CEP63: variants seen among roughly 807,000 people sequenced by gnomAD.
CEP63 encodes the protein centrosomal protein 63.
A neutral mutation model predicts 89.1 loss-of-function variants in CEP63; 84 were observed. The ratio of observed to expected loss-of-function variants is 0.94; its 90% confidence interval spans 0.79 to 1.13. The LOEUF is 1.13. Ranked by LOEUF, CEP63 falls within the 50% of genes most tolerant of loss-of-function variation. The pLI, the probability that CEP63 is intolerant of heterozygous loss-of-function variation, is 0.00. For missense variants in CEP63, 838 were observed against 813.3 expected (o/e 1.03, Z -0.37); for synonymous variants, 267 against 272.5 (o/e 0.98, Z 0.20).
At chr3:134,732,146 T>G in the CEP63 span, among the ~76,000 whole-genome samples, 1 of 152,184 alleles carries the variant, frequency 6.6e-6, no homozygotes, top group African/African-American at 2.4e-5. Flanking sequence ...TCGATTCCTC[T>G]CATCATCTGT....
chr3:134,760,152 G>A, the CEP63 span, among the ~76,000 whole-genome samples: 3 of 148,094 alleles, frequency 2.0e-5, no homozygotes, highest in East Asian at 2.0e-4. Context: ...TCCGCCTCCC[G>A]GGTTCACGCC....
At chr3:134,527,253 G>A (rs1262275332) in intron 3 of CEP63, among the ~76,000 whole-genome samples, 1 of 152,196 alleles carries the variant, frequency 6.6e-6, no homozygotes, top group Non-Finnish European at 1.5e-5. Context: ...ACTGTGCACA[G>A]TGGCACTGGT....
At chr3:134,692,102 T>TA in the CEP63 span, among the ~76,000 whole-genome samples, 41,893 of 152,068 alleles carry the variant, frequency 0.28, 5,857 homozygotes, top group Middle Eastern at 0.3. Flanking sequence ...ATTTTTTTTT[T>TA]AATTAATTAA....
At chr3:134,547,610 A>ATTTATTTTTTTTTTTTTTTTTTTTTT (rs1553777504) in intron 9 of CEP63, 138 bp downstream of exon 9, 3 of 227,486 alleles carry the variant, frequency 1.3e-5, no homozygotes, top group East Asian at 1.1e-4. Context: ...CTAAGTTCTT[A>ATTTATTTTTTTTTTTTTTTTTTTTTT]TTTCTTTTTT....
chr3:134,635,613 C>T, the CEP63 span, among the ~76,000 whole-genome samples: 9 of 151,802 alleles, frequency 5.9e-5, no homozygotes, highest in Admixed American at 2.0e-4. Context: ...CTGTATATTC[C>T]GATGGTGGTG....
intron 10 of CEP63, among the ~76,000 whole-genome samples, chr3:134,583,723 A>G (rs938435314): frequency 2.6e-5 from 4 of 152,118 alleles, no homozygotes; most frequent in African/African-American, 9.7e-5. Context: ...GAAGAAAGTC[A>G]TTGGTAGCTT....
the CEP63 span, among the ~76,000 whole-genome samples, chr3:134,672,608 CT>C: frequency 6.6e-6 from 1 of 152,204 alleles, no homozygotes. Flanking sequence ...GCACCTCTTT[CT>C]TGAACACTCT....
At chr3:134,525,463 C>T (rs866345661) in intron 3 of CEP63, among the ~76,000 whole-genome samples, 1 of 152,130 alleles carries the variant, frequency 6.6e-6, no homozygotes, top group African/African-American at 2.4e-5. Context: ...ACCAATGGGT[C>T]TTGATTCTTT....
chr3:134,600,399 C>T, the CEP63 span, among the ~76,000 whole-genome samples: 1 of 152,146 alleles, frequency 6.6e-6, no homozygotes, highest in African/African-American at 2.4e-5. Flanking sequence ...ATCCTTCATG[C>T]TTCAGTTAGT....
At chr3:134,603,430 C>T in the CEP63 span, 4 of 687,088 alleles carry the variant, frequency 5.8e-6, no homozygotes, top group Non-Finnish European at 9.6e-6. Context: ...GATCACAGCT[C>T]CTGTGGCAGA....
At chr3:134,663,364 G>C in the CEP63 span, among the ~76,000 whole-genome samples, 1 of 152,200 alleles carries the variant, frequency 6.6e-6, no homozygotes, top group Non-Finnish European at 1.5e-5. Context: ...AACATCCCAG[G>C]GTGAAGGGCT....
chr3:134,558,099 A>T (rs753826365), intron 12 of CEP63, 43 bp from the exon 13 acceptor site: 1 of 1,492,626 alleles, frequency 6.7e-7, no homozygotes, highest in Non-Finnish European at 9.3e-7. Context: ...GATCACAGGT[A>T]TTCTTGTACA....
At chr3:134,724,577 C>A in the CEP63 span, among the ~76,000 whole-genome samples, 3 of 152,318 alleles carry the variant, frequency 2.0e-5, no homozygotes, top group Admixed American at 6.5e-5. Flanking sequence ...ATGTACAGAA[C>A]CTGCAGCGTT....
At chr3:134,628,195 C>T in the CEP63 span, 5 of 239,230 alleles carry the variant, frequency 2.1e-5, no homozygotes, top group Non-Finnish European at 4.1e-5. Flanking sequence ...GGGATAAGAA[C>T]TGACCATGGA....
Position 134,486,106 on chromosome 3 carries a change from T to G in CEP63, c.-122T>G. The G allele has an allele frequency of 3.0e-6, 3 of 985,468 alleles. No homozygotes were observed. Among genetic ancestry groups the G allele is most frequent in the Non-Finnish European group, 3.6e-6 (3 of 830,020 alleles). The allele number at this position is 985,468 out of a possible 1,614,324, so 61.0% of individuals were successfully genotyped here. Reference sequence around the variant, plus strand: ...AGTCTGGAGAAGGCATTGTTTCAATTATTAAAAGTGTGGGGGCAGTGGGCG... The same window carrying G: ...AGTCTGGAGAAGGCATTGTTTCAATGATTAAAAGTGTGGGGGCAGTGGGCG... On this transcript the variant is annotated 5_prime_UTR_variant, in exon 1 of 15. The change creates a new upstream start codon in the 5' untranslated region. Transcript: ENST00000675561.
chr3:134,517,515 G>A (rs1946510885), intron 3 of CEP63, among the ~76,000 whole-genome samples: 1 of 152,088 alleles, frequency 6.6e-6, no homozygotes, highest in Admixed American at 6.5e-5. Context: ...GAATTTCAGA[G>A]TACACATTCT....
Position 134,545,631 on chromosome 3 carries a change from T to A in CEP63, c.601T>A (p.Ser201Thr). 1 of 1,614,164 alleles carries A rather than the reference T, an allele frequency of 6.2e-7. No individual in the cohort carries two copies. Among genetic ancestry groups the A allele is most frequent in the Non-Finnish European group, 8.5e-7 (1 of 1,180,010 alleles). The change falls in exon 7 of 15, where the codon TCT (serine) becomes ACT (threonine). Residue 201 changes from serine (S) to threonine (T), a missense_variant. Physicochemically the swap from Ser to Thr is moderately conservative, Grantham distance 58. Coordinates refer to ENST00000675561, the MANE Select transcript of CEP63 (RefSeq NM_001353108.3). ...ACAGAAATTAGAGTCTGTGGAACTT[T>A]CTAGCCAATCAGAAATTCAACACTT... The part of the protein sequence containing the change: ...RKQKLESVEL[S>T]SQSEIQHLSS...
chr3:134,508,448 CAA>C (rs1944009406), intron 3 of CEP63, among the ~76,000 whole-genome samples: 1 of 152,114 alleles, frequency 6.6e-6, no homozygotes, highest in Non-Finnish European at 1.5e-5. Flanking sequence ...TAGGCAGGGT[CAA>C]TGTTCCTTTT....
chr3:134,665,125 C>T, the CEP63 span, among the ~76,000 whole-genome samples: 1 of 152,174 alleles, frequency 6.6e-6, no homozygotes. Context: ...GGCTTCAGGG[C>T]ACTCCAGACT....
Sources: gnomAD v4.1 joint callset for allele counts (sites outside exome capture counted in the v4.1 genomes callset) on GRCh38, gnomAD v4.1.1 for gene constraint, MANE v1.5 for transcripts, NCBI Gene and HGNC (gene_info 2026-07-23, HGNC 2026-07-21) for gene names.